The following POLN variants were observed in gnomAD, a reference collection of about 807,000 sequenced individuals.
The protein encoded by POLN is DNA polymerase nu.
A neutral mutation model predicts 113.5 loss-of-function variants in POLN; 108 were observed. The observed-to-expected ratio is 0.95, with a 90% CI of 0.81 to 1.12. The LOEUF (loss-of-function observed/expected upper bound fraction) is 1.12. Among genes scored for constraint, POLN ranks in the 50% most tolerant of loss-of-function variants. The pLI, the probability that POLN is intolerant of heterozygous loss-of-function variation, is 0.00. For missense variants in POLN, 1,097 were observed against 1,077.1 expected (o/e 1.02, Z -0.26); for synonymous variants, 386 against 391.5 (o/e 0.99, Z 0.17).
chr4:2,136,793 C>T (rs950853045), intron 16 of POLN, among the ~76,000 whole-genome samples: 16 of 152,228 alleles, frequency 1.1e-4, no homozygotes, highest in South Asian at 8.3e-4. Flanking sequence ...AGGTGCCAAA[C>T]TGGGGAGGTG....
chr4:2,216,144 G>GGGGTGGCCATCTTTTT (rs1463643113), intron 3 of POLN, among the ~76,000 whole-genome samples: 1 of 152,188 alleles, frequency 6.6e-6, no homozygotes, highest in Non-Finnish European at 1.5e-5. Context: ...CCAGAAGATG[G>GGGGTGGCCATCTTTTT]AAATTACATT....
chr4:2,231,997 T>A, intron 2 of POLN: 1 of 1,496,102 alleles, frequency 6.7e-7, no homozygotes. Flanking sequence ...TTTCAGATAA[T>A]CTTCATCTTT....
chr4:2,117,009 A>C (rs1731331429), intron 19 of POLN, among the ~76,000 whole-genome samples: 1 of 152,244 alleles, frequency 6.6e-6, no homozygotes, highest in Non-Finnish European at 1.5e-5. Context: ...AGGACAGCCT[A>C]AGTTATGCTC....
intron 16 of POLN, among the ~76,000 whole-genome samples, chr4:2,138,801 C>A (rs1731922680): frequency 6.6e-6 from 1 of 151,924 alleles, no homozygotes; most frequent in Non-Finnish European, 1.5e-5. Flanking sequence ...ACTCGGGAGG[C>A]TGAGCTACTC....
intron 20 of POLN, among the ~76,000 whole-genome samples, chr4:2,091,798 T>TGC (rs552997507): frequency 0.37 from 49,136 of 132,624 alleles, 9,013 homozygotes; most frequent in Admixed American, 0.46. Flanking sequence ...TGTGTGTGTG[T>TGC]GTGCGCGCGC....
chr4:2,222,189 C>T (rs1363247079), intron 3 of POLN, among the ~76,000 whole-genome samples: 1 of 151,942 alleles, frequency 6.6e-6, no homozygotes, highest in Non-Finnish European at 1.5e-5. Flanking sequence ...GTATTTCAAT[C>T]AAGATTTAAA....
At chr4:2,144,674 C>A (rs1033186632) in intron 16 of POLN, among the ~76,000 whole-genome samples, 11 of 152,250 alleles carry the variant, frequency 7.2e-5, no homozygotes, top group Admixed American at 2.0e-4. Flanking sequence ...ATTGCTCCCC[C>A]ACACCCCAAT....
At chr4:2,148,963 T>C (rs1219570020) in intron 16 of POLN, among the ~76,000 whole-genome samples, 2 of 151,902 alleles carry the variant, frequency 1.3e-5, no homozygotes. Context: ...CTCGCAAAAA[T>C]AACTTTCAAA....
At chr4:2,185,252 G>T (rs1330209161) in intron 7 of POLN, among the ~76,000 whole-genome samples, 1 of 152,168 alleles carries the variant, frequency 6.6e-6, no homozygotes, top group Non-Finnish European at 1.5e-5. Context: ...ATCTGATCAG[G>T]CATCTGGATC....
chr4:2,147,447 G>C (rs1732173076), intron 16 of POLN, among the ~76,000 whole-genome samples: 1 of 152,040 alleles, frequency 6.6e-6, no homozygotes, highest in Admixed American at 6.6e-5. Flanking sequence ...ATCTGAGTTG[G>C]GGAAAGAGGA....
rs1730780168 is a variant in POLN, at chr4:2,095,936, G to A, written c.1983-3C>T. On this transcript the variant is annotated splice_polypyrimidine_tract_variant and splice_region_variant and intron_variant, in intron 19 of 25. Coordinates refer to ENST00000511885, the MANE Select transcript of POLN (RefSeq NM_181808.4). ...CCTGTTCCACGGGCACATCCTTCCTGCATGGAGAGACCATGTGTGAAGTTC... is the reference window on the plus strand; with the variant it reads ...CCTGTTCCACGGGCACATCCTTCCTACATGGAGAGACCATGTGTGAAGTTC... 1 of 1,613,936 alleles carries A rather than the reference G, an allele frequency of 6.2e-7. No homozygotes were observed. The highest frequency in any genetic ancestry group is 8.5e-7 in the Non-Finnish European group (1 of 1,179,842).
At position 2,170,710 on chromosome 4, in the gene POLN, A is replaced by G. The variant is rs1431813511; in HGVS notation, c.1523T>C (p.Leu508Ser). Residue 508 changes from leucine to serine, a missense_variant, in exon 13 of 26, where the codon TTG becomes TCG. Leu to Ser is a moderately radical substitution (Grantham distance 145, BLOSUM62 -2). Transcript: ENST00000511885. Reference protein sequence around the residue: ...SQRNSLPRTGLQKYPSTSEAV... With the variant: ...SQRNSLPRTGSQKYPSTSEAV... ...TTCTGATGTAGACGGGTATTTCTGC[A>G]ACCCCGTTCTGGGGAGACTGTTCCT... 1 of 1,614,064 alleles carries G rather than the reference A, an allele frequency of 6.2e-7. No individual in the cohort carries two copies. Among genetic ancestry groups the G allele is most frequent in the Non-Finnish European group, 8.5e-7 (1 of 1,180,016 alleles).
rs1730400219 is a variant in POLN at position 2,081,003 on chromosome 4, A to T, written c.2342T>A (p.Ile781Asn). ...AGCAGCCACTGCAGTGAAGACATGG[A>T]TCATGGCCAGCTTGCAGAGGTCAGC... ...SAADLCKLAM[I>N]HVFTAVAASH... The change falls in exon 23 of 26, where the codon ATC (isoleucine) becomes AAC (asparagine). Residue 781 changes from isoleucine to asparagine, a missense_variant. Transcript: ENST00000511885. 1.2e-6 allele frequency: 2 copies of T among 1,613,712 alleles called. No individual in the cohort carries two copies. Among genetic ancestry groups the T allele is most frequent in the Non-Finnish European group, 1.7e-6 (2 of 1,179,950 alleles).
intron 23 of POLN, 54 bp downstream of exon 23, chr4:2,080,904 C>G (rs950218474): frequency 5.6e-6 from 9 of 1,612,350 alleles, no homozygotes; most frequent in Non-Finnish European, 6.8e-6. Flanking sequence ...AGGGGGTCTT[C>G]CCACAGAATA....
intron 2 of POLN, among the ~76,000 whole-genome samples, chr4:2,233,437 A>ATT (rs146831054): frequency 1.3e-5 from 2 of 151,158 alleles, no homozygotes; most frequent in African/African-American, 2.4e-5. Context: ...TCTTGGATGC[A>ATT]TTTTTTTTTC....
intron 4 of POLN, among the ~76,000 whole-genome samples, chr4:2,211,339 A>AT (rs1733989939): frequency 6.6e-6 from 1 of 150,794 alleles, no homozygotes; most frequent in Non-Finnish European, 1.5e-5. Context: ...TGCATATTTA[A>AT]TTTTCGTGAA....
At chr4:2,171,016 A>G (rs1444846566) in intron 12 of POLN, 82 bp downstream of exon 12, 45 of 1,258,108 alleles carry the variant, frequency 3.6e-5, no homozygotes, top group Non-Finnish European at 1.1e-6. Context: ...ACATAAAATA[A>G]TACTTATAAA....
Position 2,179,349 on chromosome 4 carries a change from TA to T in POLN, c.1137del (p.Val381Ter). On this transcript the variant is annotated frameshift_variant, in exon 8 of 26. Transcript: ENST00000511885. LOFTEE classifies it high-confidence loss of function. The part of the protein sequence containing the change: ...VEKYCEKSIT[V>X]KVNSTYGNSS... The stretch of plus-strand genomic sequence containing the variant: ...GAATTTCCATATGTGCTGTTCACTT[TA>T]ACTGTAATGGATTTTTCACAGTATT... The T allele has an allele frequency of 6.2e-7, 1 of 1,613,338 alleles. No homozygotes were observed.
intron 19 of POLN, among the ~76,000 whole-genome samples, chr4:2,121,454 T>A (rs964088040): frequency 7.3e-6 from 1 of 136,120 alleles, no homozygotes; most frequent in Admixed American, 7.5e-5. Context: ...AAAAAAAAAA[T>A]ATATATATAT....
Sources: gnomAD v4.1 joint callset for allele counts (sites outside exome capture counted in the v4.1 genomes callset) on GRCh38, gnomAD v4.1.1 for gene constraint, MANE v1.5 for transcripts, NCBI Gene and HGNC (gene_info 2026-07-23, HGNC 2026-07-21) for gene names.